The following CCDC93 variants were observed in gnomAD, a reference collection of about 807,000 sequenced individuals.
CCDC93 encodes the protein CCC complex scaffolding subunit CCDC93, also known as coiled-coil domain-containing protein 93.
CCDC93 carries 61 observed loss-of-function variants against 108.2 expected under a neutral mutation model. The observed-to-expected ratio is 0.56, with a 90% CI of 0.46 to 0.70. The LOEUF is 0.70. Among genes scored for constraint, CCDC93 ranks in the 30% least tolerant of loss-of-function variants. The pLI is 0.00. For missense variants in CCDC93, 685 were observed against 764.2 expected (o/e 0.90, Z 1.22); for synonymous variants, 276 against 260.4 (o/e 1.06, Z -0.58).
chr2:118,008,750 G>T, intron 1 of CCDC93, 92 bp from the exon 2 acceptor site: 3 of 751,620 alleles, frequency 4.0e-6, no homozygotes, highest in Non-Finnish European at 6.9e-6. Context: ...TCATTGCCAA[G>T]GAGTAGATGA....
chr2:117,920,712 C>T (rs1432736038), intron 23 of CCDC93, among the ~76,000 whole-genome samples: 1 of 152,122 alleles, frequency 6.6e-6, no homozygotes, highest in Non-Finnish European at 1.5e-5. Context: ...CACTTATCTG[C>T]CAGTCTTGGC....
At chr2:117,974,016 G>A (rs1276178318) in intron 10 of CCDC93, 22 bp from the exon 11 acceptor site, 1 of 1,529,028 alleles carries the variant, frequency 6.5e-7, no homozygotes. Flanking sequence ...TGGAGGGAAT[G>A]TTCTCAAGGC....
intron 13 of CCDC93, chr2:117,950,174 C>T: frequency 1.0e-6 from 1 of 985,292 alleles, no homozygotes; most frequent in Non-Finnish European, 1.2e-6. Context: ...TGCATGGATC[C>T]ACAGAGGTGG....
At chr2:117,966,746 C>T (rs1679593162) in intron 11 of CCDC93, among the ~76,000 whole-genome samples, 1 of 152,184 alleles carries the variant, frequency 6.6e-6, no homozygotes, top group Non-Finnish European at 1.5e-5. Flanking sequence ...TGGCGAGATT[C>T]CCCAGGTGCT....
chr2:117,946,996 C>T (rs1225981392), intron 15 of CCDC93, 114 bp from the exon 16 acceptor site: 10 of 818,358 alleles, frequency 1.2e-5, no homozygotes, highest in African/African-American at 1.7e-5. Context: ...TATTCTGGGA[C>T]GAAAAGCTAA....
rs907373218 is a variant in CCDC93, at chr2:117,919,181, C to T, written c.*1162G>A. 2.6e-5 allele frequency: 4 copies of T among 152,176 alleles called. No individual in the cohort carries two copies. The highest frequency in any genetic ancestry group is 4.8e-5 in the African/African-American group (2 of 41,400). The allele number at this position is 152,176 out of a possible 1,614,324, so 9.4% of individuals were successfully genotyped here. On this transcript the variant is annotated 3_prime_UTR_variant, in exon 24 of 24. Coordinates refer to ENST00000376300, the MANE Select transcript of CCDC93 (RefSeq NM_019044.5). ...AGGATTAAAATCAACCCTCAGCTGC[C>T]CTTCAAGGCCCTCCAAAGCCTAGTC...
At position 117,917,765 on chromosome 2, in the gene CCDC93, C is replaced by A. The variant is rs1007605726; in HGVS notation, c.*2578G>T. ...TCACGCAATCTTGTCCTGCTCACAA[C>A]AGCTCTGATCGCGGCTTAAAGCAGA... On this transcript the variant is annotated 3_prime_UTR_variant, in exon 24 of 24. Coordinates refer to ENST00000376300, the MANE Select transcript of CCDC93 (RefSeq NM_019044.5). The A allele has an allele frequency of 3.3e-5, 5 of 152,270 alleles. No individual in the cohort carries two copies. The highest frequency in any genetic ancestry group is 1.2e-4 in the African/African-American group (5 of 41,462). 9.4% of individuals were successfully genotyped at this position (152,270 alleles called of 1,614,324 possible).
At position 118,008,534 on chromosome 2, in the gene CCDC93, T is replaced by C; in HGVS notation, c.156+11A>G. On this transcript the variant is annotated intron_variant, in intron 2 of 23. Coordinates refer to ENST00000376300, the MANE Select transcript of CCDC93 (RefSeq NM_019044.5). ...AAAGATAGTGTAATGGTTAGAAAGA[T>C]TTCCCCTTACCTTGTCAAAGGGTGA... 6.8e-7 allele frequency: 1 copy of C among 1,461,100 alleles called. No homozygotes were observed. Among genetic ancestry groups the C allele is most frequent in the Non-Finnish European group, 9.6e-7 (1 of 1,046,464 alleles). 90.5% of individuals were successfully genotyped at this position (1,461,100 alleles called of 1,614,324 possible).
At chr2:117,941,979 A>G (rs970833001) in intron 18 of CCDC93, among the ~76,000 whole-genome samples, 12 of 152,102 alleles carry the variant, frequency 7.9e-5, no homozygotes, top group Admixed American at 4.6e-4. Flanking sequence ...CCCTTTGTCC[A>G]CCATATCCTC....
chr2:117,937,129 G>T (rs1265088710), intron 20 of CCDC93, among the ~76,000 whole-genome samples: 1 of 152,204 alleles, frequency 6.6e-6, no homozygotes, highest in Admixed American at 6.5e-5. Flanking sequence ...CAGCTTACGG[G>T]AGTCAGACAG....
intron 11 of CCDC93, among the ~76,000 whole-genome samples, chr2:117,962,157 T>C (rs1369537662): frequency 1.3e-5 from 2 of 152,236 alleles, no homozygotes; most frequent in Non-Finnish European, 2.9e-5. Context: ...TATACTTTTA[T>C]AATTGAAAGA....
intron 3 of CCDC93, among the ~76,000 whole-genome samples, chr2:118,005,308 G>A (rs1339940952): frequency 6.6e-6 from 1 of 152,046 alleles, no homozygotes; most frequent in African/African-American, 2.4e-5. Context: ...AGCACACGTG[G>A]GATCCAAGAA....
At chr2:117,968,900 A>G (rs1334632745) in intron 11 of CCDC93, among the ~76,000 whole-genome samples, 5 of 152,136 alleles carry the variant, frequency 3.3e-5, no homozygotes, top group Non-Finnish European at 7.4e-5. Flanking sequence ...TCCAAGGTAT[A>G]TTACTGAGAC....
chr2:117,958,369 T>C lies in CCDC93; in HGVS notation c.1001A>G (p.Glu334Gly). ...TTACGAAAAGAAAACACTGACCTCT[T>C]CAAGATGTTTGGTCTTTTGCGCAAT... is the stretch of plus-strand genomic sequence containing the variant. ...KQIAQKTKHLEELRASHTSLQ... is the reference protein window; with the variant it reads ...KQIAQKTKHLGELRASHTSLQ... Residue 334 changes from glutamate to glycine, a missense_variant, in exon 12 of 24, where the codon GAA (glutamate) becomes GGA (glycine). Transcript: ENST00000376300. 1 of 1,587,484 alleles carries C rather than the reference T, an allele frequency of 6.3e-7. No homozygotes were observed. Among genetic ancestry groups the C allele is most frequent in the Non-Finnish European group, 8.7e-7 (1 of 1,155,658 alleles).
intron 22 of CCDC93, among the ~76,000 whole-genome samples, chr2:117,932,138 C>G (rs908319391): frequency 5.3e-5 from 8 of 152,080 alleles, no homozygotes; most frequent in African/African-American, 1.9e-4. Flanking sequence ...GCTGGCAATG[C>G]TATGTGCTGT....
At chr2:118,007,412 C>T (rs1676904661) in intron 2 of CCDC93, among the ~76,000 whole-genome samples, 1 of 152,234 alleles carries the variant, frequency 6.6e-6, no homozygotes, top group African/African-American at 2.4e-5. Context: ...TGGCTCACGC[C>T]TGTAATCCCA....
In CCDC93 at chr2:118,006,513, TAAAC is replaced by T. The variant is rs527564363; in HGVS notation, c.251+205_251+208del. Among the ~76,000 whole-genome samples, 24 of 152,374 alleles carry T rather than the reference TAAAC, an allele frequency of 1.6e-4. No homozygotes were observed. The East Asian group carries it at 2.3e-3, about 15-fold the overall frequency. On this transcript the variant is annotated intron_variant, in intron 3 of 23. Coordinates refer to ENST00000376300, the MANE Select transcript of CCDC93 (RefSeq NM_019044.5). ...ACTGATATGAGCTGTCTTTGAAAGA[TAAAC>T]TAAGTAGTCACTACAAACTTTGATC...
At chr2:117,983,954 A>T (rs888754197) in intron 7 of CCDC93, among the ~76,000 whole-genome samples, 3 of 152,180 alleles carry the variant, frequency 2.0e-5, no homozygotes, top group Non-Finnish European at 2.9e-5. Context: ...CTCAAACAGT[A>T]TTTGCAGACA....
intron 16 of CCDC93, 55 bp downstream of exon 16, chr2:117,946,756 A>G: frequency 7.8e-6 from 10 of 1,285,716 alleles, no homozygotes; most frequent in African/African-American, 1.5e-5. Context: ...CTCTAGAACT[A>G]TCTTTTTCCC....
Sources: gnomAD v4.1 joint callset for allele counts (sites outside exome capture counted in the v4.1 genomes callset) on GRCh38, gnomAD v4.1.1 for gene constraint, MANE v1.5 for transcripts, NCBI Gene and HGNC (gene_info 2026-07-23, HGNC 2026-07-21) for gene names.